The following CALCRL variants were observed in gnomAD, a reference collection of about 807,000 sequenced individuals.
The protein encoded by CALCRL is calcitonin gene-related peptide type 1 receptor.
Under a neutral mutation model 60.4 loss-of-function variants are expected in CALCRL, and 27 were observed. The observed-to-expected ratio is 0.45, with a 90% CI of 0.33 to 0.62. CALCRL has a LOEUF of 0.62. CALCRL is among the 20% of genes least tolerant of loss of function. The probability of loss-of-function intolerance (pLI) is 0.03; values close to 1 mark genes in which losing one functional copy is unlikely to be tolerated. For missense variants in CALCRL, 424 were observed against 540.7 expected (o/e 0.78, Z 2.14); for synonymous variants, 190 against 182.6 (o/e 1.04, Z -0.33).
chr2:187,389,873 C>A (rs1023067345), intron 1 of CALCRL, among the ~76,000 whole-genome samples: 2 of 151,880 alleles, frequency 1.3e-5, no homozygotes, highest in African/African-American at 4.8e-5. Flanking sequence ...TATCTATTTC[C>A]CTTGCAGATA....
chr2:187,437,774 T>G (rs912254385), intron 1 of CALCRL, among the ~76,000 whole-genome samples: 7 of 152,138 alleles, frequency 4.6e-5, no homozygotes, highest in Non-Finnish European at 1.0e-4. Context: ...AGGATAGTGG[T>G]AGGAAGAAGC....
rs1686266146 is a variant in CALCRL at position 187,346,294 on chromosome 2, T to G, written c.1276A>C (p.Ile426Leu). The G allele has an allele frequency of 6.2e-7, 1 of 1,612,372 alleles. No homozygotes were observed. Among genetic ancestry groups the G allele is most frequent in the Admixed American group, 1.7e-5 (1 of 59,748 alleles). Residue 426 changes from isoleucine to leucine, a missense_variant, in exon 15 of 15, where the codon ATC becomes CTC. Ile to Leu is a conservative substitution (Grantham distance 5). Transcript: ENST00000392370. ...TGACTATAACCTGGACCATCACTGA[T>G]TGTTGACACTGTGTAAGACGCACTA... Reference protein sequence around the residue: ...LRSASYTVSTISDGPGYSHDC... With the variant: ...LRSASYTVSTLSDGPGYSHDC...
intron 1 of CALCRL, among the ~76,000 whole-genome samples, chr2:187,416,845 A>T (rs1253949659): frequency 6.6e-6 from 1 of 152,102 alleles, no homozygotes; most frequent in Non-Finnish European, 1.5e-5. Flanking sequence ...ATCAATAAAG[A>T]CCTATAATCA....
chr2:187,369,430 T>C lies in CALCRL; in HGVS notation c.501-5928A>G, dbSNP rs558306106. On this transcript the variant is annotated intron_variant, in intron 8 of 14. Transcript: ENST00000392370. ...AGCATAGAGATAAGCACTTTAAAGT[T>C]GCTATCATATTTAACAACTCCTTGA... is the stretch of plus-strand genomic sequence containing the variant. Among the ~76,000 whole-genome samples the C allele has an allele frequency of 2.8e-4, 42 of 152,264 alleles. No individual in the cohort carries two copies. In the South Asian group the frequency reaches 7.9e-3, roughly 29 times the overall value.
intron 1 of CALCRL, among the ~76,000 whole-genome samples, chr2:187,417,073 C>T (rs533591104): frequency 7.2e-5 from 11 of 152,140 alleles, no homozygotes; most frequent in African/African-American, 2.2e-4. Flanking sequence ...GTGAAGCTCT[C>T]TTACTGGAAT....
At chr2:187,424,266 T>C (rs532345086) in intron 1 of CALCRL, among the ~76,000 whole-genome samples, 2 of 152,164 alleles carry the variant, frequency 1.3e-5, no homozygotes, top group Admixed American at 1.3e-4. Context: ...GCAGGAATGT[T>C]TTAGATTCAG....
At chr2:187,433,852 A>C (rs1690507481) in intron 1 of CALCRL, among the ~76,000 whole-genome samples, 1 of 152,120 alleles carries the variant, frequency 6.6e-6, no homozygotes, top group African/African-American at 2.4e-5. Flanking sequence ...AAAGGCAATC[A>C]AGTGAATTAA....
chr2:187,375,811 C>T (rs1203055006), intron 8 of CALCRL, among the ~76,000 whole-genome samples: 1 of 152,038 alleles, frequency 6.6e-6, no homozygotes, highest in East Asian at 1.9e-4. Flanking sequence ...AATAAACATT[C>T]TCTGGTTTTA....
At chr2:187,402,576 G>T (rs1688937305) in intron 1 of CALCRL, among the ~76,000 whole-genome samples, 1 of 151,646 alleles carries the variant, frequency 6.6e-6, no homozygotes, top group African/African-American at 2.4e-5. Context: ...GCAGATTAAT[G>T]GTACTTTCTG....
In CALCRL at chr2:187,345,338, A is replaced by C. The variant is rs940285407; in HGVS notation, c.*846T>G. On this transcript the variant is annotated 3_prime_UTR_variant, in exon 15 of 15. Transcript: ENST00000392370. ...TCATTGATTTTCTTTATATAAAATG[A>C]TTGCTAATTTGTTTATACAGTAGAA... The C allele has an allele frequency of 2.0e-5, 3 of 152,284 alleles. No homozygotes were observed. Among genetic ancestry groups the C allele is most frequent in the African/African-American group, 2.4e-5 (1 of 41,414 alleles). 9.4% of individuals were successfully genotyped at this position (152,284 alleles called of 1,614,324 possible). A position where few individuals can be genotyped will look rare whatever the true frequency, so the allele number is the denominator to read the frequency against.
intron 8 of CALCRL, among the ~76,000 whole-genome samples, chr2:187,371,111 G>C (rs748168308): frequency 6.6e-6 from 1 of 151,976 alleles, no homozygotes. Context: ...GCATGGTGGC[G>C]GGCTCCTGCA....
intron 1 of CALCRL, among the ~76,000 whole-genome samples, chr2:187,439,718 A>G (rs1442851443): frequency 1.3e-5 from 2 of 152,124 alleles, no homozygotes; most frequent in Non-Finnish European, 2.9e-5. Flanking sequence ...ACTTAGGTAT[A>G]TGGATATCTG....
intron 8 of CALCRL, among the ~76,000 whole-genome samples, chr2:187,373,583 C>T (rs927055631): frequency 1.3e-5 from 2 of 151,950 alleles, no homozygotes; most frequent in African/African-American, 4.8e-5. Flanking sequence ...ACATACCTAC[C>T]AGGGCTAAAT....
chr2:187,387,878 A>G (rs909382756), intron 1 of CALCRL, 122 bp from the exon 2 acceptor site: 15 of 362,870 alleles, frequency 4.1e-5, no homozygotes, highest in Admixed American at 9.3e-5. Context: ...GAACAATTCC[A>G]ACTTTGAAAA....
At chr2:187,418,558 C>T (rs925686521) in intron 1 of CALCRL, among the ~76,000 whole-genome samples, 11 of 152,152 alleles carry the variant, frequency 7.2e-5, no homozygotes, top group Middle Eastern at 3.4e-3. Flanking sequence ...TTGAATCTTC[C>T]TAAGGGTATA....
At chr2:187,377,418 G>T (rs1408802760) in intron 8 of CALCRL, among the ~76,000 whole-genome samples, 1 of 152,210 alleles carries the variant, frequency 6.6e-6, no homozygotes, top group East Asian at 1.9e-4. Context: ...TAAATTTCTG[G>T]CCAATGTGAT....
intron 8 of CALCRL, among the ~76,000 whole-genome samples, chr2:187,366,675 G>A (rs1687308456): frequency 6.6e-6 from 1 of 151,882 alleles, no homozygotes; most frequent in Non-Finnish European, 1.5e-5. Flanking sequence ...AAGATTGGAA[G>A]GGAGTAAAAT....
chr2:187,364,539 G>C (rs779501661), intron 8 of CALCRL, among the ~76,000 whole-genome samples: 14 of 151,848 alleles, frequency 9.2e-5, no homozygotes, highest in East Asian at 1.9e-4. Flanking sequence ...CAAGCCAAAG[G>C]CTTCTATTTT....
At chr2:187,346,442 T>A in intron 14 of CALCRL, 43 bp from the exon 15 acceptor site, 2 of 1,403,392 alleles carry the variant, frequency 1.4e-6, no homozygotes, top group Non-Finnish European at 2.0e-6. Context: ...AACAACCCAT[T>A]AATTGAAATG....
Sources: allele counts gnomAD v4.1 joint callset (sites outside exome capture counted in the v4.1 genomes callset), GRCh38; gene constraint gnomAD v4.1.1; transcripts MANE v1.5; gene names NCBI Gene and HGNC (gene_info 2026-07-23, HGNC 2026-07-21).